Variants in NRG3 observed in about 807,000 individuals in gnomAD.
NRG3 encodes neuregulin 3, also known as pro-neuregulin-3, membrane-bound isoform.
In NRG3, 31 loss-of-function variants were observed where a neutral mutation model predicts 66.9. That is an observed-to-expected ratio of 0.46 (90% CI 0.35 to 0.63). The LOEUF is 0.63. Among genes scored for constraint, NRG3 ranks in the 20% least tolerant of loss-of-function variants. The pLI, the probability that NRG3 is intolerant of heterozygous loss-of-function variation, is 0.00. For missense variants in NRG3, 910 were observed against 878.9 expected, an observed-to-expected ratio of 1.04 and a Z score of -0.45; for synonymous variants, 393 against 359.4, an observed-to-expected ratio of 1.09 and a Z score of -1.06.
At chr10:81,880,936 C>T (rs1842124418) in intron 1 of NRG3, among the ~76,000 whole-genome samples, 1 of 152,254 alleles carries the variant, frequency 6.6e-6, no homozygotes, top group African/African-American at 2.4e-5. Context: ...AAAGTGTTCC[C>T]TCCAGAACCA....
At chr10:82,617,315 C>T (rs2048729257) in intron 2 of NRG3, among the ~76,000 whole-genome samples, 1 of 150,436 alleles carries the variant, frequency 6.6e-6, no homozygotes, top group Non-Finnish European at 1.5e-5. Context: ...CACACACACG[C>T]ACACATAGAC....
chr10:82,424,858 G>T (rs990412408), intron 2 of NRG3, among the ~76,000 whole-genome samples: 3 of 151,624 alleles, frequency 2.0e-5, no homozygotes, highest in Non-Finnish European at 2.9e-5. Flanking sequence ...TTGGATGTGG[G>T]TATCTAGTTG....
intron 2 of NRG3, among the ~76,000 whole-genome samples, chr10:82,386,256 G>A (rs2085980899): frequency 6.6e-6 from 1 of 152,140 alleles, no homozygotes; most frequent in Non-Finnish European, 1.5e-5. Flanking sequence ...GCATGAAAGT[G>A]TTCTTTGGCA....
rs148785269 is a variant in NRG3, at chr10:82,004,531, A to T, written c.823+128368A>T. 5.8e-3 allele frequency among the ~76,000 whole-genome samples: 881 copies of T among 152,290 alleles called. 9 individuals are homozygous for T. The highest frequency in any genetic ancestry group is 0.016 in the South Asian group (75 of 4,824). ...AACTGAACAAATCCCATGTTTCTGC[A>T]GGTATGTGCGGCAGTGCTGATGTTT... On this transcript the variant is annotated intron_variant, in intron 1 of 8. Transcript: ENST00000372141.
chr10:81,942,263 T>C (rs1012579078), intron 1 of NRG3, among the ~76,000 whole-genome samples: 8 of 152,084 alleles, frequency 5.3e-5, no homozygotes, highest in African/African-American at 1.9e-4. Context: ...TAGTGCTCAT[T>C]GTGAACACGT....
intron 2 of NRG3, among the ~76,000 whole-genome samples, chr10:82,456,137 C>CCTTTTTTTTTTTTT (rs771637537): frequency 1.1e-5 from 1 of 88,812 alleles, no homozygotes; most frequent in African/African-American, 3.8e-5. Flanking sequence ...TTTTCTGTCA[C>CCTTTTTTTTTTTTT]TTTTTTTTTT....
At chr10:82,102,419 A>G (rs1203670104) in intron 1 of NRG3, among the ~76,000 whole-genome samples, 1 of 150,096 alleles carries the variant, frequency 6.7e-6, no homozygotes, top group East Asian at 2.0e-4. Context: ...CTGACAATCC[A>G]TTTTGTTATT....
At chr10:82,827,771 C>G (rs1246750159) in intron 3 of NRG3, among the ~76,000 whole-genome samples, 2 of 152,042 alleles carry the variant, frequency 1.3e-5, no homozygotes, top group African/African-American at 4.8e-5. Context: ...TCAATTTCAA[C>G]AAGACAAAAA....
Position 82,810,464 on chromosome 10 carries a change from G to A in NRG3, c.1028-54947G>A, listed in dbSNP as rs1315577533. Among the ~76,000 whole-genome samples, 7 of 152,058 alleles carry A rather than the reference G, an allele frequency of 4.6e-5. No homozygotes were observed. In the East Asian group the frequency reaches 1.4e-3, roughly 29 times the overall value. ...TATGTGACTAAAGACAAACAGATCA[G>A]TAAAGAAGTGACTGAAGGCCAGGCA... On this transcript the variant is annotated intron_variant, in intron 3 of 8. Coordinates refer to ENST00000372141, the MANE Select transcript of NRG3 (RefSeq NM_001010848.4).
At chr10:82,794,733 G>A (rs1369998395) in intron 3 of NRG3, among the ~76,000 whole-genome samples, 1 of 152,022 alleles carries the variant, frequency 6.6e-6, no homozygotes, top group Non-Finnish European at 1.5e-5. Flanking sequence ...CTTGGGCTTA[G>A]AGATGAATTT....
rs553999960 is a variant in NRG3, at chr10:81,893,171, C to G, written c.823+17008C>G. ...ACCACCCAGAGATAATTACTCTTCT[C>G]TTTCTGTTCAATATTAGTCCAGTTT... On this transcript the variant is annotated intron_variant, in intron 1 of 8. Transcript: ENST00000372141. 7.2e-4 allele frequency among the ~76,000 whole-genome samples: 109 copies of G among 152,232 alleles called. No individual in the cohort carries two copies. In the South Asian group the frequency reaches 0.021, roughly 29 times the overall value.
intron 1 of NRG3, among the ~76,000 whole-genome samples, chr10:82,315,672 T>TTG (rs915772318): frequency 2.0e-5 from 3 of 150,126 alleles, no homozygotes; most frequent in African/African-American, 7.5e-5. Flanking sequence ...TTGTTGTTTT[T>TTG]TTTTTTTTTT....
intron 3 of NRG3, among the ~76,000 whole-genome samples, chr10:82,852,765 C>T (rs2063624534): frequency 6.6e-6 from 1 of 152,178 alleles, no homozygotes; most frequent in African/African-American, 2.4e-5. Context: ...AAGGTTATCA[C>T]ACTAACGGGG....
At chr10:82,500,508 G>A (rs375268917) in intron 2 of NRG3, among the ~76,000 whole-genome samples, 34 of 152,248 alleles carry the variant, frequency 2.2e-4, no homozygotes, top group African/African-American at 7.7e-4. Context: ...TATTTCAGCA[G>A]TTTCAATTGC....
intron 2 of NRG3, among the ~76,000 whole-genome samples, chr10:82,430,026 A>T (rs991385542): frequency 6.6e-6 from 1 of 151,984 alleles, no homozygotes; most frequent in East Asian, 1.9e-4. Context: ...GTACTTTTTT[A>T]TAGTTGCTAA....
Position 82,440,362 on chromosome 10 carries a change from A to ATTT in NRG3, c.953+81506_953+81508dup, listed in dbSNP as rs5786552. ...TCCTTTCTACTAGTTTGCCTGTTTG[A>ATTT]TTTTTTTTTTTTTTGAACAGCCTTC... On this transcript the variant is annotated intron_variant, in intron 2 of 8. Coordinates refer to ENST00000372141, the MANE Select transcript of NRG3 (RefSeq NM_001010848.4). Among the ~76,000 whole-genome samples the ATTT allele has an allele frequency of 3.3e-4, 45 of 136,256 alleles. 1 individual carries two copies. The East Asian group carries it at 5.9e-3, about 18-fold the overall frequency. The allele number at this position is 136,256 out of a possible 152,430, so 89.4% of individuals were successfully genotyped here.
At position 81,875,750 on chromosome 10, in the gene NRG3, C is replaced by T. The variant is rs1294798567; in HGVS notation, c.410C>T (p.Pro137Leu). 3.7e-6 allele frequency: 6 copies of T among 1,612,664 alleles called. No homozygotes were observed. Among genetic ancestry groups the T allele is most frequent in the Non-Finnish European group, 3.4e-6 (4 of 1,179,754 alleles). ...ACCACTACCACTTCCACCACGTCCCCCGCCACCCCCTCCGCCGGGGGTGCC... is the reference window on the plus strand; with the variant it reads ...ACCACTACCACTTCCACCACGTCCCTCGCCACCCCCTCCGCCGGGGGTGCC... ...TTTTTTSTTS[P>L]ATPSAGGAAS... The change falls in exon 1 of 9, where the codon CCC becomes CTC. Residue 137 changes from proline to leucine, a missense_variant. By Grantham distance (98) the Pro-to-Leu change is moderately conservative. Coordinates refer to ENST00000372141, the MANE Select transcript of NRG3 (RefSeq NM_001010848.4). This position sits in a 1 kb window ranked among gnomAD's most constrained non-coding sequence, Gnocchi z 5.3.
intron 1 of NRG3, among the ~76,000 whole-genome samples, chr10:82,059,668 T>C (rs1235660435): frequency 6.6e-6 from 1 of 152,176 alleles, no homozygotes; most frequent in Non-Finnish European, 1.5e-5. Flanking sequence ...TGATCGGCGC[T>C]ATGTCAGTGC....
intron 1 of NRG3, among the ~76,000 whole-genome samples, chr10:82,047,229 T>C (rs1037621761): frequency 2.0e-5 from 3 of 151,884 alleles, no homozygotes; most frequent in Non-Finnish European, 4.4e-5. Context: ...AGCTATTGAT[T>C]ATTGCCACAA....
Sources: gnomAD v4.1 joint callset for allele counts (sites outside exome capture counted in the v4.1 genomes callset) on GRCh38, gnomAD v4.1.1 for gene constraint, Gnocchi (gnomAD v3.1) non-coding constraint, MANE v1.5 for transcripts, NCBI Gene and HGNC (gene_info 2026-07-23, HGNC 2026-07-21) for gene names.